DSCAML1: variants seen among roughly 807,000 people sequenced by gnomAD.
DSCAML1 encodes DS cell adhesion molecule like 1.
In DSCAML1, 38 loss-of-function variants were observed where a neutral mutation model predicts 200.5. The ratio of observed to expected loss-of-function variants is 0.19; its 90% CI spans 0.15 to 0.25. The LOEUF is 0.25. Ranked by LOEUF, DSCAML1 falls within the 10% of genes least tolerant of loss-of-function variation. The probability of loss-of-function intolerance (pLI) is 1.00; values close to 1 mark genes in which losing one functional copy is unlikely to be tolerated. For synonymous variants in DSCAML1, 1,215 were observed against 1,165.0 expected (o/e 1.04, Z -0.87); for missense variants, 2,223 against 2,858.8 (o/e 0.78, Z 5.07).
chr11:117,653,379 T>A (rs537262904), intron 3 of DSCAML1, among the ~76,000 whole-genome samples: 2 of 152,278 alleles, frequency 1.3e-5, no homozygotes, highest in East Asian at 3.9e-4. Context: ...AGGATGAGCA[T>A]CCTGGAGGGG....
At position 117,587,374 on chromosome 11, in the gene DSCAML1, C is replaced by T. The variant is rs1177069758; in HGVS notation, c.512-54852G>A. 3.3e-5 allele frequency among the ~76,000 whole-genome samples: 5 copies of T among 151,830 alleles called. No individual in the cohort carries two copies. In the South Asian group the frequency reaches 6.3e-4, roughly 19 times the overall value. On this transcript the variant is annotated intron_variant, in intron 3 of 32. Transcript: ENST00000651296. ...GTTAGAAGGTGGCAGCCGCAGGGCT[C>T]GGATGCTGCAGTCTGCCCTCCTCCT...
intron 3 of DSCAML1, among the ~76,000 whole-genome samples, chr11:117,665,663 A>C (rs1319008213): frequency 1.3e-5 from 2 of 152,150 alleles, no homozygotes. Flanking sequence ...GCCCAGAGAT[A>C]GTAACTCGCC....
chr11:117,809,189 G>C (rs2055734854), intron 1 of DSCAML1, among the ~76,000 whole-genome samples: 1 of 152,260 alleles, frequency 6.6e-6, no homozygotes, highest in Admixed American at 6.5e-5. Flanking sequence ...GAGACCCCAG[G>C]CTCAGGAGAA....
At chr11:117,665,921 G>A (rs372026571) in intron 3 of DSCAML1, among the ~76,000 whole-genome samples, 1 of 152,358 alleles carries the variant, frequency 6.6e-6, no homozygotes. Context: ...GCTCTGGGAA[G>A]TCAGAGACTT....
intron 3 of DSCAML1, among the ~76,000 whole-genome samples, chr11:117,581,434 C>G (rs2051037592): frequency 6.6e-6 from 1 of 152,200 alleles, no homozygotes; most frequent in South Asian, 2.1e-4. Context: ...TGCCAAACCC[C>G]TTCGTGTCCC....
chr11:117,671,983 C>G (rs563703706), intron 3 of DSCAML1, among the ~76,000 whole-genome samples: 1 of 151,928 alleles, frequency 6.6e-6, no homozygotes, highest in South Asian at 2.1e-4. Flanking sequence ...TGCCTGTAGT[C>G]CCAGCTACTC....
chr11:117,696,910 C>T (rs2053595536), intron 3 of DSCAML1, among the ~76,000 whole-genome samples: 1 of 152,222 alleles, frequency 6.6e-6, no homozygotes, highest in South Asian at 2.1e-4. Flanking sequence ...CCCTTGTCAT[C>T]TGAGGCAGCT....
At chr11:117,558,960 G>A (rs2137409473) in intron 3 of DSCAML1, among the ~76,000 whole-genome samples, 1 of 152,204 alleles carries the variant, frequency 6.6e-6, no homozygotes, top group East Asian at 1.9e-4. Flanking sequence ...TGGTGCCAAG[G>A]TCGTCTAGCT....
rs1591262518 is a variant in DSCAML1, at chr11:117,557,361, C to T, written c.512-24839G>A. Among the ~76,000 whole-genome samples the T allele has an allele frequency of 3.9e-5, 6 of 152,150 alleles. No individual in the cohort carries two copies. The South Asian group carries it at 1.2e-3, about 31-fold the overall frequency. On this transcript the variant is annotated intron_variant, in intron 3 of 32. Coordinates refer to ENST00000651296, the MANE Select transcript of DSCAML1 (RefSeq NM_020693.4). ...TAAGGTGCAGGAAAGAAGGCTCCAC[C>T]CTGCTCTCCACCTTCTTCTGTGCCT... is the stretch of plus-strand genomic sequence containing the variant.
intron 3 of DSCAML1, among the ~76,000 whole-genome samples, chr11:117,695,934 C>T (rs566025928): frequency 3.3e-4 from 50 of 152,264 alleles, no homozygotes; most frequent in Middle Eastern, 3.4e-3. Flanking sequence ...GCATTTAGAA[C>T]ATGTAATAGC....
intron 1 of DSCAML1, among the ~76,000 whole-genome samples, chr11:117,808,613 G>A (rs2055729115): frequency 1.3e-5 from 2 of 152,144 alleles, no homozygotes; most frequent in African/African-American, 4.8e-5. Context: ...TCTTGGGGCT[G>A]GCATTTGGGA....
At chr11:117,654,285 CAT>C (rs2052691236) in intron 3 of DSCAML1, among the ~76,000 whole-genome samples, 1 of 152,130 alleles carries the variant, frequency 6.6e-6, no homozygotes, top group South Asian at 2.1e-4. Flanking sequence ...GATGGTTGCA[CAT>C]ATCTGTGAGT....
intron 14 of DSCAML1, among the ~76,000 whole-genome samples, chr11:117,479,413 A>G (rs1186240919): frequency 6.6e-6 from 1 of 152,246 alleles, no homozygotes; most frequent in African/African-American, 2.4e-5. Context: ...TATCAAATTC[A>G]AAAGGTACGA....
intron 2 of DSCAML1, among the ~76,000 whole-genome samples, chr11:117,779,813 T>A (rs546883696): frequency 6.6e-6 from 1 of 152,340 alleles, no homozygotes; most frequent in Non-Finnish European, 1.5e-5. Flanking sequence ...GGTGCTGATG[T>A]TGTATTTCTC....
chr11:117,686,650 C>T (rs538047717), intron 3 of DSCAML1, among the ~76,000 whole-genome samples: 1 of 152,320 alleles, frequency 6.6e-6, no homozygotes, highest in East Asian at 1.9e-4. Flanking sequence ...TTCAAGAGTC[C>T]TTTCCGGTGG....
chr11:117,457,051 G>A (rs998466919), intron 19 of DSCAML1, among the ~76,000 whole-genome samples: 4 of 152,182 alleles, frequency 2.6e-5, no homozygotes, highest in Admixed American at 6.5e-5. Flanking sequence ...CATTTTAGAC[G>A]TGGTATTAGT....
At chr11:117,663,057 C>T (rs896666943) in intron 3 of DSCAML1, among the ~76,000 whole-genome samples, 5 of 152,172 alleles carry the variant, frequency 3.3e-5, no homozygotes, top group Admixed American at 2.0e-4. Context: ...GGACTCCATC[C>T]GATGCTGGCT....
intron 3 of DSCAML1, among the ~76,000 whole-genome samples, chr11:117,725,334 G>C (rs570939391): frequency 2.6e-5 from 4 of 152,258 alleles, no homozygotes; most frequent in African/African-American, 9.6e-5. Context: ...CACGACTTAT[G>C]TTCACCTGCC....
intron 3 of DSCAML1, among the ~76,000 whole-genome samples, chr11:117,737,287 C>T (rs1191317211): frequency 6.6e-6 from 1 of 152,228 alleles, no homozygotes; most frequent in Non-Finnish European, 1.5e-5. Context: ...CTGTAAAAGG[C>T]TTTTCAGGAT....
Sources: allele counts gnomAD v4.1 joint callset (sites outside exome capture counted in the v4.1 genomes callset), GRCh38; gene constraint gnomAD v4.1.1; transcripts MANE v1.5; gene names NCBI Gene and HGNC (gene_info 2026-07-23, HGNC 2026-07-21).